Variants in EDN1 observed in about 807,000 individuals in gnomAD.
EDN1 encodes the protein endothelin 1, also known as endothelin-1.
EDN1 carries 11 observed loss-of-function variants against 21.7 expected under a neutral mutation model. The ratio of observed to expected loss-of-function variants is 0.51; its 90% CI spans 0.32 to 0.84. The LOEUF (loss-of-function observed/expected upper bound fraction) is 0.84. Ranked by LOEUF, EDN1 falls within the 40% of genes least tolerant of loss-of-function variation. EDN1 has a pLI of 0.03. For synonymous variants in EDN1, 85 were observed against 90.6 expected, an observed-to-expected ratio of 0.94 and a Z score of 0.35; for missense variants, 244 against 262.3, an observed-to-expected ratio of 0.93 and a Z score of 0.48.
In EDN1 at chr6:12,292,508, G is replaced by A; in HGVS notation, c.232G>A (p.Glu78Lys). 1 of 1,614,184 alleles carries A rather than the reference G, an allele frequency of 6.2e-7. No homozygotes were observed. The highest frequency in any genetic ancestry group is 8.5e-7 in the Non-Finnish European group (1 of 1,180,018). Residue 78 changes from glutamate (E) to lysine (K), a missense_variant and splice_region_variant, in exon 2 of 5, where the codon GAG becomes AAG. Glu to Lys is a moderately conservative substitution (Grantham distance 56, BLOSUM62 1). Coordinates refer to ENST00000379375, the MANE Select transcript of EDN1 (RefSeq NM_001955.5). ...HLDIIWVNTP[E>K]HVVPYGLGSP... ...GGACATCATTTGGGTCAACACTCCC[G>A]AGTAAGTCTCTAGAGGGCATTGTAA...
the EDN1 span, among the ~76,000 whole-genome samples, chr6:12,241,477 T>C: frequency 6.6e-6 from 1 of 152,036 alleles, no homozygotes; most frequent in Non-Finnish European, 1.5e-5. Flanking sequence ...TCTTTGGAGA[T>C]CTTGGTGGGA....
At chr6:12,295,828 A>T in intron 4 of EDN1, 134 bp from the exon 5 acceptor site, 2 of 789,766 alleles carry the variant, frequency 2.5e-6, no homozygotes, top group Non-Finnish European at 4.2e-6. Context: ...TTTATCAAAG[A>T]GTTGCGGCGG....
intron 2 of EDN1, among the ~76,000 whole-genome samples, 159 bp downstream of exon 2, chr6:12,292,668 C>T (rs919728186): frequency 2.0e-5 from 3 of 152,212 alleles, no homozygotes; most frequent in South Asian, 2.1e-4. Flanking sequence ...CTGAAAATAA[C>T]GACAGCTTCG....
At chr6:12,265,659 C>A in the EDN1 span, among the ~76,000 whole-genome samples, 1 of 152,194 alleles carries the variant, frequency 6.6e-6, no homozygotes, top group Non-Finnish European at 1.5e-5. Context: ...GACACCCAGT[C>A]TGTAATTATT....
chr6:12,293,583 T>C (rs558754939), intron 2 of EDN1, among the ~76,000 whole-genome samples: 2 of 152,292 alleles, frequency 1.3e-5, no homozygotes, highest in Admixed American at 1.3e-4. Flanking sequence ...CCACAAATAG[T>C]TAACTAAATA....
the EDN1 span, among the ~76,000 whole-genome samples, chr6:12,233,070 A>AT: frequency 1.2e-4 from 19 of 152,314 alleles, no homozygotes; most frequent in Admixed American, 1.1e-3. Context: ...AACCCAGCAG[A>AT]TTTAAGTTTT....
At chr6:12,239,923 A>T in the EDN1 span, among the ~76,000 whole-genome samples, 1 of 152,152 alleles carries the variant, frequency 6.6e-6, no homozygotes, top group East Asian at 1.9e-4. Flanking sequence ...AAAAACAGAA[A>T]AGGAAAAAGA....
the EDN1 span, among the ~76,000 whole-genome samples, chr6:12,261,062 G>A: frequency 2.0e-5 from 3 of 152,164 alleles, no homozygotes; most frequent in Non-Finnish European, 4.4e-5. Context: ...ATGTCATTCA[G>A]ATTTGTGTGC....
chr6:12,248,492 A>G, the EDN1 span, among the ~76,000 whole-genome samples: 1 of 152,224 alleles, frequency 6.6e-6, no homozygotes, highest in African/African-American at 2.4e-5. Context: ...TGCAAAGAAC[A>G]TTGAAGTCTA....
the EDN1 span, among the ~76,000 whole-genome samples, chr6:12,274,293 T>A: frequency 6.6e-6 from 1 of 152,236 alleles, no homozygotes; most frequent in Non-Finnish European, 1.5e-5. Context: ...AAGACCTTGC[T>A]AATAAAATGC....
chr6:12,258,691 C>T, the EDN1 span, among the ~76,000 whole-genome samples: 1 of 152,116 alleles, frequency 6.6e-6, no homozygotes, highest in East Asian at 1.9e-4. Context: ...TCACCATTGA[C>T]CAAATCTTCA....
At chr6:12,269,272 T>G in the EDN1 span, among the ~76,000 whole-genome samples, 1 of 152,104 alleles carries the variant, frequency 6.6e-6, no homozygotes, top group Non-Finnish European at 1.5e-5. Context: ...TCATATCATT[T>G]GCAGACAGAC....
chr6:12,290,383 C>G lies in EDN1; in HGVS notation c.-247C>G. ...GTCAGACGCGCCTCTGCATCTGCGCCAGGCGAACGGGTCCTGCGCCTCCTG... is the reference window on the plus strand; with the variant it reads ...GTCAGACGCGCCTCTGCATCTGCGCGAGGCGAACGGGTCCTGCGCCTCCTG... On this transcript the variant is annotated 5_prime_UTR_variant, in exon 1 of 5. Transcript: ENST00000379375. 1.8e-6 allele frequency: 1 copy of G among 554,290 alleles called. No homozygotes were observed. 34.3% of individuals were successfully genotyped at this position (554,290 alleles called of 1,614,324 possible).
chr6:12,235,501 G>A, the EDN1 span, among the ~76,000 whole-genome samples: 1 of 152,188 alleles, frequency 6.6e-6, no homozygotes, highest in South Asian at 2.1e-4. Context: ...ATGAAAAGAG[G>A]AAGCACTGCC....
the EDN1 span, among the ~76,000 whole-genome samples, chr6:12,285,240 A>C: frequency 3.9e-5 from 6 of 152,238 alleles, no homozygotes; most frequent in South Asian, 1.2e-3. Context: ...TTAAATAGAG[A>C]GTGGGAAGGG....
chr6:12,268,031 C>T, the EDN1 span, among the ~76,000 whole-genome samples: 1 of 152,174 alleles, frequency 6.6e-6, no homozygotes, highest in Non-Finnish European at 1.5e-5. Context: ...TTTAAGCTCA[C>T]CGTTTAGACC....
At chr6:12,259,357 A>G in the EDN1 span, among the ~76,000 whole-genome samples, 3 of 151,334 alleles carry the variant, frequency 2.0e-5, no homozygotes. Context: ...ATAGAGATTT[A>G]AAGTAAGATT....
At chr6:12,262,871 T>TA in the EDN1 span, among the ~76,000 whole-genome samples, 43,772 of 132,128 alleles carry the variant, frequency 0.33, 7,029 homozygotes, top group East Asian at 0.58. Context: ...AAACCCTGTT[T>TA]AAAAAAAAAA....
At chr6:12,236,550 G>T in the EDN1 span, among the ~76,000 whole-genome samples, 1 of 152,092 alleles carries the variant, frequency 6.6e-6, no homozygotes, top group African/African-American at 2.4e-5. Flanking sequence ...GTGAGCCACC[G>T]TGCCTGGCCC....
Sources: allele counts gnomAD v4.1 joint callset (sites outside exome capture counted in the v4.1 genomes callset), GRCh38; gene constraint gnomAD v4.1.1; transcripts MANE v1.5; gene names NCBI Gene and HGNC (gene_info 2026-07-23, HGNC 2026-07-21).